ALK: variants seen among roughly 807,000 people sequenced by gnomAD.
The protein encoded by ALK is ALK receptor tyrosine kinase, also known as ALK tyrosine kinase receptor.
Under a neutral mutation model 163.1 loss-of-function variants are expected in ALK, and 74 were observed. The observed-to-expected ratio is 0.45, with a 90% CI of 0.38 to 0.55. The LOEUF (loss-of-function observed/expected upper bound fraction) is 0.55, where lower values mean the gene tolerates loss of function less well. Among genes scored for constraint, ALK ranks in the 20% least tolerant of loss-of-function variants. The pLI, the probability that ALK is intolerant of heterozygous loss-of-function variation, is 0.00. For missense variants in ALK, 2,063 were observed against 2,105.3 expected, an observed-to-expected ratio of 0.98 and a Z score of 0.39; for synonymous variants, 960 against 843.2, an observed-to-expected ratio of 1.14 and a Z score of -2.40.
intron 5 of ALK, among the ~76,000 whole-genome samples, chr2:29,364,797 TC>T (rs1276700922): frequency 6.6e-6 from 1 of 152,196 alleles, no homozygotes; most frequent in South Asian, 2.1e-4. Context: ...ACTGAGCCCA[TC>T]TTTATGATGC....
chr2:29,899,686 T>G (rs1667360938), intron 1 of ALK: 1 of 151,954 alleles, frequency 6.6e-6, no homozygotes. Context: ...ATTAGTTGGG[T>G]ATGGTGGCAT....
chr2:29,212,763 A>G (rs1669498438), intron 24 of ALK, among the ~76,000 whole-genome samples: 1 of 151,660 alleles, frequency 6.6e-6, no homozygotes, highest in Admixed American at 6.6e-5. Context: ...CTGGAGTGCA[A>G]TGGCACGATC....
chr2:29,841,039 C>T (rs996316571), intron 1 of ALK, among the ~76,000 whole-genome samples: 3 of 152,198 alleles, frequency 2.0e-5, no homozygotes, highest in Admixed American at 2.0e-4. Context: ...TTTTGTTAGC[C>T]TTGTGTTAGG....
chr2:29,823,957 C>A (rs183656940), intron 1 of ALK, among the ~76,000 whole-genome samples: 156 of 152,322 alleles, frequency 1.0e-3, no homozygotes, highest in African/African-American at 3.3e-3. Context: ...CCTCCTCCCC[C>A]CATCACAGGC....
intron 4 of ALK, among the ~76,000 whole-genome samples, chr2:29,420,515 C>A (rs905412440): frequency 2.6e-5 from 4 of 151,466 alleles, no homozygotes; most frequent in Admixed American, 6.6e-5. Context: ...CAGCCTCCCC[C>A]ACCCTGAGTT....
intron 1 of ALK, among the ~76,000 whole-genome samples, chr2:29,882,471 G>A (rs2148419258): frequency 6.6e-6 from 1 of 152,300 alleles, no homozygotes; most frequent in East Asian, 1.9e-4. Context: ...TGAGGCAGGT[G>A]CATCACAAGG....
rs114701739 is a variant in ALK at position 29,510,461 on chromosome 2, G to A, written c.1154+21454C>T. Among the ~76,000 whole-genome samples, 1,204 of 152,270 alleles carry A rather than the reference G, an allele frequency of 7.9e-3. 20 individuals are homozygous for A. Among genetic ancestry groups the A allele is most frequent in the African/African-American group, 0.028 (1,168 of 41,558 alleles). On this transcript the variant is annotated intron_variant, in intron 4 of 28. Coordinates refer to ENST00000389048, the MANE Select transcript of ALK (RefSeq NM_004304.5). ...TCTACAATGATTATGAATAGGCTCAGTTCATCTTTTTTGGGAAGTTGCTTA... is the reference window on the plus strand; with the variant it reads ...TCTACAATGATTATGAATAGGCTCAATTCATCTTTTTTGGGAAGTTGCTTA...
intron 4 of ALK, among the ~76,000 whole-genome samples, chr2:29,506,668 C>T (rs946569572): frequency 1.3e-5 from 2 of 151,952 alleles, no homozygotes; most frequent in Non-Finnish European, 2.9e-5. Context: ...ATGGTGTGAA[C>T]CCAGGAGGCA....
intron 9 of ALK, among the ~76,000 whole-genome samples, chr2:29,295,153 G>T (rs1303244569): frequency 6.6e-6 from 1 of 152,148 alleles, no homozygotes; most frequent in Non-Finnish European, 1.5e-5. Context: ...TGGACAGTTT[G>T]GTCTCAGTAT....
At position 29,318,370 on chromosome 2, in the gene ALK, G is replaced by C. The variant is rs141720931; in HGVS notation, c.1581C>G (p.Pro527=). ...HALLLSTTDV[P]ASESATVTSA... ...TGGTCACTGTAGCACTTTCAGAAGC[G>C]GGGACATCAGTGGTACTGAGCAATA... The change falls in exon 8 of 29, where the codon CCC becomes CCG. Residue 527 remains proline, a synonymous_variant. Transcript: ENST00000389048. 8.1e-6 allele frequency: 13 copies of C among 1,613,794 alleles called. No individual in the cohort carries two copies. Among genetic ancestry groups the C allele is most frequent in the Non-Finnish European group, 1.0e-5 (12 of 1,179,842 alleles).
chr2:29,731,612 A>T (rs1442980511), intron 1 of ALK, among the ~76,000 whole-genome samples: 1 of 152,214 alleles, frequency 6.6e-6, no homozygotes, highest in African/African-American at 2.4e-5. Flanking sequence ...TAATGATTTT[A>T]TTAGATACAG....
intron 4 of ALK, among the ~76,000 whole-genome samples, chr2:29,500,465 C>G (rs1157493459): frequency 6.6e-6 from 1 of 152,196 alleles, no homozygotes; most frequent in Admixed American, 6.5e-5. Context: ...GCCTGCAGAA[C>G]CATGACCTAA....
intron 3 of ALK, among the ~76,000 whole-genome samples, chr2:29,642,134 T>G (rs1439583395): frequency 6.6e-6 from 1 of 152,154 alleles, no homozygotes; most frequent in African/African-American, 2.4e-5. Flanking sequence ...ATATAGACTC[T>G]CAGCCCCACC....
At chr2:29,600,642 G>T (rs1465125362) in intron 3 of ALK, among the ~76,000 whole-genome samples, 2 of 152,204 alleles carry the variant, frequency 1.3e-5, no homozygotes, top group Non-Finnish European at 2.9e-5. Flanking sequence ...AGGACTGTTT[G>T]TGTACAGTGT....
At chr2:29,257,134 A>C (rs1398027511) in intron 11 of ALK, among the ~76,000 whole-genome samples, 1 of 152,024 alleles carries the variant, frequency 6.6e-6, no homozygotes, top group Non-Finnish European at 1.5e-5. Context: ...GGATGATCAA[A>C]TGGTCCCCAG....
At chr2:29,553,473 G>C (rs766983160) in intron 3 of ALK, among the ~76,000 whole-genome samples, 1 of 152,174 alleles carries the variant, frequency 6.6e-6, no homozygotes, top group Non-Finnish European at 1.5e-5. Context: ...AAACTCTTTG[G>C]CTTTACTCCT....
chr2:29,732,809 C>G (rs181141474), intron 1 of ALK, among the ~76,000 whole-genome samples: 1 of 152,226 alleles, frequency 6.6e-6, no homozygotes, highest in East Asian at 1.9e-4. Context: ...TCACCAGACA[C>G]TCAATCTGCT....
At chr2:29,276,692 TC>T (rs1665556445) in intron 9 of ALK, among the ~76,000 whole-genome samples, 1 of 152,102 alleles carries the variant, frequency 6.6e-6, no homozygotes, top group African/African-American at 2.4e-5. Flanking sequence ...TGGATGGACC[TC>T]AAAGACGTGA....
At chr2:29,260,867 C>G (rs541577636) in intron 11 of ALK, among the ~76,000 whole-genome samples, 1 of 151,700 alleles carries the variant, frequency 6.6e-6, no homozygotes, top group Non-Finnish European at 1.5e-5. Flanking sequence ...AAAACAACAA[C>G]AAAAAAACGC....
Sources: allele counts gnomAD v4.1 joint callset (sites outside exome capture counted in the v4.1 genomes callset), GRCh38; gene constraint gnomAD v4.1.1; transcripts MANE v1.5; gene names NCBI Gene and HGNC (gene_info 2026-07-23, HGNC 2026-07-21).